Variants in ACSL4 observed in about 807,000 individuals in gnomAD.
ACSL4 encodes acyl-CoA synthetase long chain family member 4.
In ACSL4, 9 loss-of-function variants were observed where a neutral mutation model predicts 49.1. That is an observed-to-expected ratio of 0.18 (90% CI 0.11 to 0.32). ACSL4 has a LOEUF of 0.32. Ranked by LOEUF, ACSL4 falls within the 10% of genes least tolerant of loss-of-function variation. The probability of loss-of-function intolerance (pLI) is 1.00; values close to 1 mark genes in which losing one functional copy is unlikely to be tolerated. For synonymous variants in ACSL4, 191 were observed against 170.3 expected (o/e 1.12, Z -0.95); for missense variants, 333 against 493.7 (o/e 0.67, Z 3.08).
intron 15 of ACSL4, among the ~76,000 whole-genome samples, chrX:109,644,969 TA>T (rs1209308811): frequency 8.9e-6 from 1 of 112,921 alleles, no homozygotes; most frequent in Non-Finnish European, 1.9e-5. Flanking sequence ...CCGACAGGCT[TA>T]AAAAACGGTG....
chrX:109,727,422 A>G (rs951104434), intron 1 of ACSL4, among the ~76,000 whole-genome samples: 1 of 111,800 alleles, frequency 8.9e-6, no homozygotes, highest in Non-Finnish European at 1.9e-5. Flanking sequence ...CATAGACTGC[A>G]TAGAAGTCTA....
chrX:109,683,120 C>T lies in ACSL4; in HGVS notation c.228+16G>A. On this transcript the variant is annotated intron_variant, in intron 3 of 15. Coordinates refer to ENST00000672401, the MANE Select transcript of ACSL4 (RefSeq NM_001318510.2). ...TCCTCTTTAAAACATAAATGAAAAGCACCAAAATACTTTACCTTCTTAAAA... is the reference window on the plus strand; with the variant it reads ...TCCTCTTTAAAACATAAATGAAAAGTACCAAAATACTTTACCTTCTTAAAA... The T allele has an allele frequency of 3.4e-6, 4 of 1,193,504 alleles. No homozygotes were observed. The highest frequency in any genetic ancestry group is 4.5e-6 in the Non-Finnish European group (4 of 881,085).
chrX:109,700,062 G>T (rs1925758978), intron 1 of ACSL4, among the ~76,000 whole-genome samples: 1 of 108,280 alleles, frequency 9.2e-6, no homozygotes, highest in Admixed American at 1.0e-4. Flanking sequence ...ACAAAAATTA[G>T]CCAGGCGTGG....
intron 15 of ACSL4, among the ~76,000 whole-genome samples, chrX:109,651,278 G>A (rs965089737): frequency 2.7e-5 from 3 of 111,115 alleles, no homozygotes; most frequent in African/African-American, 6.5e-5. Context: ...GCAAACATTC[G>A]CACATTTTTA....
At chrX:109,668,949 T>A in intron 10 of ACSL4, 85 bp downstream of exon 10, 1 of 821,346 alleles carries the variant, frequency 1.2e-6, no homozygotes, top group Non-Finnish European at 1.8e-6. Flanking sequence ...ATGAATTAAC[T>A]TGCCATTTAT....
chrX:109,688,071 C>T (rs945882591), intron 2 of ACSL4, among the ~76,000 whole-genome samples: 2 of 112,233 alleles, frequency 1.8e-5, no homozygotes, highest in African/African-American at 6.5e-5. Context: ...CACTAGTCCA[C>T]TCACTGGCCC....
At chrX:109,683,486 T>C in intron 2 of ACSL4, 111 bp from the exon 3 acceptor site, 3 of 1,194,769 alleles carry the variant, frequency 2.5e-6, no homozygotes, top group Non-Finnish European at 3.4e-6. Context: ...TTAAGTTTCA[T>C]AGTGGAAAGG....
At chrX:109,692,288 C>T (rs1193783290) in intron 2 of ACSL4, 1 of 111,835 alleles carries the variant, frequency 8.9e-6, no homozygotes, top group African/African-American at 3.3e-5. Flanking sequence ...GATGCCTACA[C>T]ACTTCACATA....
intron 2 of ACSL4, 143 bp downstream of exon 2, chrX:109,696,001 C>T (rs1925421823): frequency 8.9e-6 from 1 of 112,369 alleles, no homozygotes. Context: ...CTATAAAATA[C>T]TGCCTTTTTA....
Position 109,681,205 on chromosome X carries a change from GAATA to G in ACSL4, c.516+57_516+60del, listed in dbSNP as rs956214086. 7.5e-6 allele frequency: 9 copies of G among 1,198,888 alleles called. No homozygotes were observed. The African/African-American group carries it at 1.4e-4, about 19-fold the overall frequency. ...TGCAACAAAAATTCACTTACTGAAT[GAATA>G]TTTTTCTGTCCTGCCAGACAACGCA... On this transcript the variant is annotated intron_variant, in intron 5 of 15. Transcript: ENST00000672401.
intron 1 of ACSL4, among the ~76,000 whole-genome samples, chrX:109,712,502 A>G (rs1219947262): frequency 1.8e-5 from 2 of 112,361 alleles, no homozygotes; most frequent in East Asian, 5.6e-4. Context: ...GTGTGTTTAC[A>G]CTTACTATTT....
At chrX:109,730,563 CAT>C (rs1322965020) in intron 1 of ACSL4, among the ~76,000 whole-genome samples, 1 of 112,174 alleles carries the variant, frequency 8.9e-6, no homozygotes, top group Non-Finnish European at 1.9e-5. Flanking sequence ...AGTATAAACT[CAT>C]AGAGTAGGGT....
chrX:109,729,410 A>G (rs1482700235), intron 1 of ACSL4, among the ~76,000 whole-genome samples: 2 of 112,148 alleles, frequency 1.8e-5, no homozygotes, highest in African/African-American at 6.5e-5. Flanking sequence ...CACACCTATG[A>G]GAATGGCTAA....
chrX:109,687,989 G>A (rs1924741348), intron 2 of ACSL4, among the ~76,000 whole-genome samples: 1 of 111,463 alleles, frequency 9.0e-6, no homozygotes, highest in South Asian at 3.8e-4. Context: ...ACATGACTGT[G>A]TTGAGTGTCT....
chrX:109,654,638 AGCC>A (rs1921469138), intron 15 of ACSL4, among the ~76,000 whole-genome samples: 1 of 112,138 alleles, frequency 8.9e-6, no homozygotes, highest in African/African-American at 3.3e-5. Flanking sequence ...GGGCTGAGGA[AGCC>A]AAAGCAACTA....
At chrX:109,706,739 A>G (rs1473851363) in intron 1 of ACSL4, among the ~76,000 whole-genome samples, 2 of 112,360 alleles carry the variant, frequency 1.8e-5, no homozygotes, top group Non-Finnish European at 3.8e-5. Context: ...TGACCTTACC[A>G]CAACTCTCCT....
intron 15 of ACSL4, among the ~76,000 whole-genome samples, chrX:109,657,393 G>A (rs1911440025): frequency 1.0e-5 from 1 of 97,346 alleles, no homozygotes; most frequent in Non-Finnish European, 2.0e-5. Context: ...ACAGGCCCCA[G>A]TGTGTGATGT....
chrX:109,681,437 T>C (rs968835406), intron 4 of ACSL4, 62 bp from the exon 5 acceptor site: 7 of 796,017 alleles, frequency 8.8e-6, no homozygotes, highest in African/African-American at 4.2e-5. Flanking sequence ...TGGATATTAT[T>C]GAAGTCAGTC....
intron 1 of ACSL4, among the ~76,000 whole-genome samples, chrX:109,706,773 G>A (rs777134652): frequency 1.8e-5 from 2 of 112,422 alleles, no homozygotes; most frequent in Admixed American, 1.9e-4. Flanking sequence ...CAAGAAGTGT[G>A]TTGATACATG....
Sources: gnomAD v4.1 joint callset for allele counts (sites outside exome capture counted in the v4.1 genomes callset) on GRCh38, gnomAD v4.1.1 for gene constraint, MANE v1.5 for transcripts, NCBI Gene and HGNC (gene_info 2026-07-23, HGNC 2026-07-21) for gene names.